The following PRIMA1 variants were observed in gnomAD, a reference collection of about 807,000 sequenced individuals.
PRIMA1 encodes the protein proline rich membrane anchor 1, also known as proline-rich membrane anchor 1.
A neutral mutation model predicts 17.5 loss-of-function variants in PRIMA1; 7 were observed. The observed-to-expected ratio is 0.40, with a 90% CI of 0.23 to 0.75. The LOEUF (loss-of-function observed/expected upper bound fraction) is 0.75. Among genes scored for constraint, PRIMA1 ranks in the 30% least tolerant of loss-of-function variants. PRIMA1 has a pLI of 0.37. For missense variants in PRIMA1, 200 were observed against 201.8 expected, an observed-to-expected ratio of 0.99 and a Z score of 0.05; for synonymous variants, 97 against 77.9, an observed-to-expected ratio of 1.25 and a Z score of -1.29.
At chr14:93,763,893 C>T (rs1281875834) in intron 3 of PRIMA1, among the ~76,000 whole-genome samples, 1 of 152,114 alleles carries the variant, frequency 6.6e-6, no homozygotes, top group Admixed American at 6.5e-5. Flanking sequence ...CCTCTGTCCT[C>T]AACTCCAGAG....
Position 93,724,241 on chromosome 14 carries a change from C to A in PRIMA1, c.360-2695G>T, listed in dbSNP as rs80107845. Among the ~76,000 whole-genome samples, 294 of 152,298 alleles carry A rather than the reference C, an allele frequency of 1.9e-3. 1 individual carries two copies. Among genetic ancestry groups the A allele is most frequent in the African/African-American group, 6.7e-3 (279 of 41,566 alleles). On this transcript the variant is annotated intron_variant, in intron 4 of 4. Coordinates refer to ENST00000393140, the MANE Select transcript of PRIMA1 (RefSeq NM_178013.4). ...AACTTGGGAAAGCCTTCCTCCACCC[C>A]CCTCTTAGAGATTCTGCAGAGTCCT...
At chr14:93,756,336 T>A (rs1307747725) in intron 3 of PRIMA1, among the ~76,000 whole-genome samples, 4 of 152,212 alleles carry the variant, frequency 2.6e-5, no homozygotes, top group Non-Finnish European at 5.9e-5. Context: ...GGCTGTGGCC[T>A]CAGACATGGA....
At chr14:93,747,216 C>A (rs983583671) in intron 3 of PRIMA1, among the ~76,000 whole-genome samples, 2 of 152,118 alleles carry the variant, frequency 1.3e-5, no homozygotes, top group South Asian at 4.1e-4. Context: ...CCAAGCCATC[C>A]GGTCCTGCAG....
intron 2 of PRIMA1, 31 bp from the exon 3 acceptor site, chr14:93,779,342 G>C: frequency 1.3e-6 from 2 of 1,525,978 alleles, no homozygotes; most frequent in East Asian, 5.1e-5. Context: ...ACCCAAGAGA[G>C]AGAGAAGACC....
intron 3 of PRIMA1, among the ~76,000 whole-genome samples, chr14:93,768,018 G>A (rs2141184920): frequency 6.6e-6 from 1 of 152,238 alleles, no homozygotes; most frequent in East Asian, 1.9e-4. Flanking sequence ...TGAATATACT[G>A]AAGACCTTTT....
intron 3 of PRIMA1, among the ~76,000 whole-genome samples, chr14:93,744,121 C>T (rs534824088): frequency 6.6e-6 from 1 of 152,354 alleles, no homozygotes; most frequent in South Asian, 2.1e-4. Flanking sequence ...CCCGAGGCCA[C>T]ACAGGGACCA....
At chr14:93,723,151 T>C (rs1223814078) in intron 4 of PRIMA1, among the ~76,000 whole-genome samples, 1 of 152,112 alleles carries the variant, frequency 6.6e-6, no homozygotes, top group Non-Finnish European at 1.5e-5. Flanking sequence ...ACATGCTCTC[T>C]GTAGCCCAAT....
chr14:93,757,943 G>A (rs1470625920), intron 3 of PRIMA1, among the ~76,000 whole-genome samples: 1 of 152,154 alleles, frequency 6.6e-6, no homozygotes, highest in African/African-American at 2.4e-5. Context: ...TTCCCTTCGC[G>A]GGGAGCCGAT....
intron 3 of PRIMA1, among the ~76,000 whole-genome samples, chr14:93,758,994 G>T (rs2076309548): frequency 6.6e-6 from 1 of 152,190 alleles, no homozygotes; most frequent in Admixed American, 6.5e-5. Context: ...TTCAGTAAAT[G>T]GTTCACAAGT....
chr14:93,741,516 T>A (rs1328307504), intron 3 of PRIMA1, among the ~76,000 whole-genome samples: 4 of 152,212 alleles, frequency 2.6e-5, no homozygotes, highest in African/African-American at 9.6e-5. Context: ...CTGAGCACCC[T>A]CGGTGCCTGG....
intron 4 of PRIMA1, 101 bp downstream of exon 4, chr14:93,737,140 C>G: frequency 8.2e-7 from 1 of 1,212,326 alleles, no homozygotes; most frequent in African/African-American, 1.5e-5. Context: ...TGCTTAACAA[C>G]TTTTATAATT....
intron 3 of PRIMA1, among the ~76,000 whole-genome samples, chr14:93,769,571 T>C (rs925446368): frequency 1.3e-5 from 2 of 152,222 alleles, no homozygotes; most frequent in African/African-American, 4.8e-5. Context: ...AGGCTCACAC[T>C]GCGTCCAGCC....
intron 3 of PRIMA1, among the ~76,000 whole-genome samples, chr14:93,769,077 C>G (rs142938155): frequency 9.2e-5 from 14 of 151,874 alleles, no homozygotes; most frequent in African/African-American, 3.1e-4. Flanking sequence ...TTACGGATCT[C>G]AAACTCATCT....
chr14:93,787,600 GC>G (rs1400357846), intron 2 of PRIMA1, 25 bp downstream of exon 2: 2 of 1,538,922 alleles, frequency 1.3e-6, no homozygotes, highest in Admixed American at 3.9e-5. Flanking sequence ...GGCCCTCCCA[GC>G]CAGTGCGCAG....
intron 3 of PRIMA1, among the ~76,000 whole-genome samples, chr14:93,769,495 A>G (rs1433089459): frequency 6.6e-6 from 1 of 152,214 alleles, no homozygotes; most frequent in East Asian, 1.9e-4. Context: ...GCATGAACAC[A>G]GCCCTTGAAG....
intron 3 of PRIMA1, among the ~76,000 whole-genome samples, chr14:93,738,883 G>C (rs1204363417): frequency 6.6e-6 from 1 of 152,082 alleles, no homozygotes; most frequent in Non-Finnish European, 1.5e-5. Context: ...GATTTGCTTG[G>C]TTTTGACATT....
chr14:93,739,926 C>T (rs1303761725), intron 3 of PRIMA1, among the ~76,000 whole-genome samples: 3 of 151,944 alleles, frequency 2.0e-5, no homozygotes, highest in African/African-American at 7.3e-5. Flanking sequence ...ATTATCTGGG[C>T]ATGGTGGCAG....
intron 2 of PRIMA1, among the ~76,000 whole-genome samples, chr14:93,783,117 T>C (rs1885428918): frequency 6.6e-6 from 1 of 152,236 alleles, no homozygotes; most frequent in Non-Finnish European, 1.5e-5. Flanking sequence ...ATTTCCATGC[T>C]ATTTTGCAAT....
chr14:93,756,704 G>A (rs1595210555), intron 3 of PRIMA1, among the ~76,000 whole-genome samples: 1 of 152,096 alleles, frequency 6.6e-6, no homozygotes, highest in Non-Finnish European at 1.5e-5. Context: ...CTCCACTGGG[G>A]TGGTCCACAG....
Sources: allele counts gnomAD v4.1 joint callset (sites outside exome capture counted in the v4.1 genomes callset), GRCh38; gene constraint gnomAD v4.1.1; transcripts MANE v1.5; gene names NCBI Gene and HGNC (gene_info 2026-07-23, HGNC 2026-07-21).